LRP3: variants seen among roughly 807,000 people sequenced by gnomAD.
LRP3 encodes the protein low-density lipoprotein receptor-related protein 3.
A neutral mutation model predicts 58.5 loss-of-function variants in LRP3; 49 were observed. The ratio of observed to expected loss-of-function variants is 0.84; its 90% CI spans 0.67 to 1.06. The LOEUF (loss-of-function observed/expected upper bound fraction) is 1.06, where lower values mean the gene tolerates loss of function less well. LRP3 is among the 50% of genes least tolerant of loss of function. The pLI is 0.00. For missense variants in LRP3, 1,019 were observed against 1,134.2 expected (o/e 0.90, Z 1.46); for synonymous variants, 485 against 492.2 (o/e 0.99, Z 0.20).
rs377405104 is a variant in LRP3, at chr19:33,206,676, C to T, written c.1668C>T (p.Leu556=). 3.2e-6 allele frequency: 5 copies of T among 1,572,034 alleles called. No individual in the cohort carries two copies. The highest frequency in any genetic ancestry group is 4.3e-6 in the Non-Finnish European group (5 of 1,160,062). Residue 556 remains leucine, a synonymous_variant, in exon 6 of 7, where the codon CTC becomes CTT. Coordinates refer to ENST00000253193, the MANE Select transcript of LRP3 (RefSeq NM_002333.4). ...AGGCACCCCCATCCTATGGTCAGCT[C>T]ATCGCCCAGGGCCTCATTCCACCCG... ...RREAPPSYGQ[L]IAQGLIPPVE... is the part of the protein sequence containing the mutation.
Position 33,207,669 on chromosome 19 carries a change from A to G in LRP3, c.*94A>G. 2 of 1,057,000 alleles carry G rather than the reference A, an allele frequency of 1.9e-6. No homozygotes were observed. Among genetic ancestry groups the G allele is most frequent in the Non-Finnish European group, 2.8e-6 (2 of 715,814 alleles). 65.5% of individuals were successfully genotyped at this position (1,057,000 alleles called of 1,614,324 possible). On this transcript the variant is annotated 3_prime_UTR_variant, in exon 7 of 7. Coordinates refer to ENST00000253193, the MANE Select transcript of LRP3 (RefSeq NM_002333.4). ...TGCCTCTGCGTCCTTTCTTATGGAGAGGCCCTCCGGGGACCCCAGCGGAGG... is the reference window on the plus strand; with the variant it reads ...TGCCTCTGCGTCCTTTCTTATGGAGGGGCCCTCCGGGGACCCCAGCGGAGG...
At chr19:33,201,467 G>A (rs1463316271) in intron 2 of LRP3, among the ~76,000 whole-genome samples, 2 of 152,134 alleles carry the variant, frequency 1.3e-5, no homozygotes, top group Non-Finnish European at 2.9e-5. Context: ...GGGGGCTGGC[G>A]CTGCTGTAGT....
chr19:33,206,475 C>T, intron 5 of LRP3, 113 bp downstream of exon 5: 2 of 1,592,392 alleles, frequency 1.3e-6, no homozygotes, highest in Non-Finnish European at 8.5e-7. Flanking sequence ...GGAGGCTGCC[C>T]TGGTGCACAC....
chr19:33,195,213 C>G (rs772312687), intron 1 of LRP3, among the ~76,000 whole-genome samples: 95 of 152,322 alleles, frequency 6.2e-4, no homozygotes, highest in Non-Finnish European at 6.5e-4. Flanking sequence ...CGGCTGTCCC[C>G]TGAAGAAGAA....
intron 1 of LRP3, 71 bp from the exon 2 acceptor site, chr19:33,196,659 T>C: frequency 7.2e-7 from 1 of 1,396,028 alleles, no homozygotes. Context: ...AGCTGTGGTG[T>C]CCCTCATGGG....
chr19:33,204,928 C>A, intron 4 of LRP3, 76 bp downstream of exon 4: 3 of 1,376,388 alleles, frequency 2.2e-6, no homozygotes, highest in East Asian at 2.4e-5. Flanking sequence ...CCCACAGGGG[C>A]GGCACCCTCC....
chr19:33,206,055 C>T lies in LRP3; in HGVS notation c.1285C>T (p.Leu429=). ...GTACCCCTGCGAGGGTGGCAGTGGT[C>T]TGTGCTACACGCCTGCCGACCGCTG... ...DQYPCEGGSG[L]CYTPADRCNN... The change falls in exon 5 of 7, where the codon CTG becomes TTG. Residue 429 remains leucine, a synonymous_variant. Coordinates refer to ENST00000253193, the MANE Select transcript of LRP3 (RefSeq NM_002333.4). The T allele has an allele frequency of 6.2e-7, 1 of 1,602,908 alleles. No homozygotes were observed. Among genetic ancestry groups the T allele is most frequent in the Non-Finnish European group, 8.5e-7 (1 of 1,175,682 alleles).
chr19:33,204,096 G>T (rs931719623), intron 3 of LRP3: 5 of 158,908 alleles, frequency 3.1e-5, no homozygotes, highest in Admixed American at 3.0e-4. Context: ...CTGTGCCTCA[G>T]TTTCCCCAAG....
chr19:33,206,614 C>T lies in LRP3; in HGVS notation c.1606C>T (p.Gln536Ter), dbSNP rs2145458819. 6.2e-7 allele frequency: 1 copy of T among 1,608,660 alleles called. No homozygotes were observed. The highest frequency in any genetic ancestry group is 1.3e-5 in the African/African-American group (1 of 74,820). ...CACTGCTTCTAGGGCCTTCGAGACC[C>T]AGATGACGCGCCTGGAGGCTGAGTT... ...RTQEYRAFET[Q>*]MTRLEAEFVR... The change falls in exon 6 of 7, where the codon CAG becomes TAG. Residue 536 changes from glutamine to a stop codon, truncating the protein, a stop_gained. Transcript: ENST00000253193. LOFTEE classifies it high-confidence loss of function.
chr19:33,196,837 C>A, intron 2 of LRP3, 60 bp downstream of exon 2: 1 of 1,512,226 alleles, frequency 6.6e-7, no homozygotes, highest in Non-Finnish European at 9.2e-7. Context: ...TGAGTGGTCC[C>A]TGAAGACAGG....
intron 6 of LRP3, 39 bp from the exon 7 acceptor site, chr19:33,206,949 A>G (rs1261498360): frequency 2.0e-5 from 27 of 1,381,898 alleles, no homozygotes; most frequent in African/African-American, 3.0e-5. Context: ...CTGCCCCCTC[A>G]GCCGCATCCC....
In LRP3 at chr19:33,207,205, C is replaced by T; in HGVS notation, c.1943C>T (p.Pro648Leu). 6.4e-7 allele frequency: 1 copy of T among 1,556,164 alleles called. No individual in the cohort carries two copies. Among genetic ancestry groups the T allele is most frequent in the Middle Eastern group, 1.7e-4 (1 of 5,958 alleles). ...GFLQPAPGAA[P>L]DPPAPLMDTG... ...CTCCAGCCTGCTCCAGGGGCTGCCC[C>T]CGACCCCCCAGCACCGCTCATGGAC... is the stretch of plus-strand genomic sequence containing the variant. The change falls in exon 7 of 7, where the codon CCC becomes CTC. Residue 648 changes from proline (P) to leucine (L), a missense_variant. Pro to Leu is a moderately conservative substitution (Grantham distance 98, BLOSUM62 -3). Coordinates refer to ENST00000253193, the MANE Select transcript of LRP3 (RefSeq NM_002333.4).
chr19:33,205,856 C>G lies in LRP3; in HGVS notation c.1086C>G (p.Tyr362Ter), dbSNP rs1568383726. 1 of 1,599,598 alleles carries G rather than the reference C, an allele frequency of 6.3e-7. No individual in the cohort carries two copies. The highest frequency in any genetic ancestry group is 8.5e-7 in the Non-Finnish European group (1 of 1,172,774). ...CCGGCCACGGCTTCAATGCCACCTA[C>G]CAGGTGAAGGGCTATTGCCTCCCCT... ...RSAGHGFNAT[Y>*]QVKGYCLPWE... Residue 362 changes from tyrosine to a stop codon, truncating the protein, a stop_gained, in exon 5 of 7, where the codon TAC becomes TAG. Transcript: ENST00000253193. LOFTEE classifies it high-confidence loss of function.
In LRP3 at chr19:33,204,860, A is replaced by G; in HGVS notation, c.475+8A>G. 1 of 1,611,938 alleles carries G rather than the reference A, an allele frequency of 6.2e-7. No homozygotes were observed. Among genetic ancestry groups the G allele is most frequent in the Non-Finnish European group, 8.5e-7 (1 of 1,179,414 alleles). On this transcript the variant is annotated splice_region_variant and intron_variant, in intron 4 of 6. Coordinates refer to ENST00000253193, the MANE Select transcript of LRP3 (RefSeq NM_002333.4). ...GTCTGTCTTACATCCGAGGTGATGG[A>G]GGCTGCAGGGCAGGCAGGACACCAC...
rs149990905 is a variant in LRP3 at position 33,206,266 on chromosome 19, C to T, written c.1496C>T (p.Thr499Met). The change falls in exon 5 of 7, where the codon ACG (threonine) becomes ATG (methionine). Residue 499 changes from threonine to methionine, a missense_variant. Thr to Met is a moderately conservative substitution (Grantham distance 81, BLOSUM62 -1). This residue lies in a region of LRP3 where 427 missense variants were observed against 408.6 expected (regional missense o/e 1.04). Coordinates refer to ENST00000253193, the MANE Select transcript of LRP3 (RefSeq NM_002333.4). ...CLAAVPRKVITAALIGSLVCG... is the reference protein window; with the variant it reads ...CLAAVPRKVIMAALIGSLVCG... ...GCCGCCGTGCCCCGCAAGGTCATCA[C>T]GGCGGCGCTCATTGGCAGCCTGGTG... The T allele has an allele frequency of 2.1e-5, 33 of 1,597,954 alleles. No individual in the cohort carries two copies. Among genetic ancestry groups the T allele is most frequent in the Middle Eastern group, 3.3e-4 (2 of 6,040 alleles).
At chr19:33,199,222 C>T (rs1400934580) in intron 2 of LRP3, among the ~76,000 whole-genome samples, 1 of 152,178 alleles carries the variant, frequency 6.6e-6, no homozygotes, top group Non-Finnish European at 1.5e-5. Context: ...TCATGAACCT[C>T]ACCTCCATGG....
intron 2 of LRP3, among the ~76,000 whole-genome samples, chr19:33,198,796 T>G (rs1474205248): frequency 1.3e-5 from 2 of 152,234 alleles, no homozygotes; most frequent in Non-Finnish European, 2.9e-5. Context: ...TCATGCAGTT[T>G]GCAGGCAGCT....
Position 33,202,981 on chromosome 19 carries a change from C to T in LRP3, c.255C>T (p.Thr85=), listed in dbSNP as rs769040874. The change falls in exon 3 of 7, where the codon ACC becomes ACT. Residue 85 remains threonine, a synonymous_variant. Transcript: ENST00000253193. ...AGGGCGACCGTGGTGACATGATTAC[C>T]ATCAGGTAGGGGCACCCGGGGGTGT... The part of the protein sequence containing the change: ...YIQGDRGDMI[T]ISFRNFDVEE... The T allele has an allele frequency of 1.9e-6, 3 of 1,612,976 alleles. No homozygotes were observed. The highest frequency in any genetic ancestry group is 2.7e-5 in the African/African-American group (2 of 75,010).
Position 33,205,460 on chromosome 19 carries a change from G to T in LRP3, c.690G>T (p.Val230=), listed in dbSNP as rs1172074678. 1 of 1,585,670 alleles carries T rather than the reference G, an allele frequency of 6.3e-7. No individual in the cohort carries two copies. Among genetic ancestry groups the T allele is most frequent in the Non-Finnish European group, 8.6e-7 (1 of 1,167,784 alleles). Residue 230 remains valine, a synonymous_variant, in exon 5 of 7, where the codon GTG becomes GTT. Coordinates refer to ENST00000253193, the MANE Select transcript of LRP3 (RefSeq NM_002333.4). ...SGARSTRCLP[V]ERRCDGLQDC... is the part of the protein sequence containing the mutation. Reference sequence around the variant, plus strand: ...CGCGCTCCACGCGCTGCCTGCCTGTGGAGCGGCGCTGTGACGGCTTGCAGG... The same window carrying T: ...CGCGCTCCACGCGCTGCCTGCCTGTTGAGCGGCGCTGTGACGGCTTGCAGG...
Sources: gnomAD v4.1 joint callset for allele counts (sites outside exome capture counted in the v4.1 genomes callset) on GRCh38, gnomAD v4.1.1 for gene constraint, gnomAD v4.1.1 regional missense constraint, MANE v1.5 for transcripts, NCBI Gene and HGNC (gene_info 2026-07-23, HGNC 2026-07-21) for gene names.